The following CCDC171 variants were observed in gnomAD, a reference collection of about 807,000 sequenced individuals.
CCDC171 encodes coiled-coil domain containing 171.
Under a neutral mutation model 168.2 loss-of-function variants are expected in CCDC171, and 177 were observed. That is an observed-to-expected ratio of 1.05 (90% confidence interval 0.93 to 1.19). The LOEUF (loss-of-function observed/expected upper bound fraction) is 1.19. CCDC171 is among the 50% of genes most tolerant of loss of function. CCDC171 has a pLI of 0.00. For synonymous variants in CCDC171, 687 were observed against 540.8 expected, an observed-to-expected ratio of 1.27 and a Z score of -3.75; for missense variants, 1,991 against 1,539.0, an observed-to-expected ratio of 1.29 and a Z score of -4.91.
chr9:15,905,060 C>A lies in CCDC171; in HGVS notation c.3601-15210C>A, dbSNP rs1194275688. ...ACCTACAAAGAGACTTAGACTCCCA[C>A]ACAATAATAATGGGAGACTTTAACA... On this transcript the variant is annotated intron_variant, in intron 24 of 25. Coordinates refer to ENST00000380701, the MANE Select transcript of CCDC171 (RefSeq NM_173550.4). Among the ~76,000 whole-genome samples, 7 of 152,162 alleles carry A rather than the reference C, an allele frequency of 4.6e-5. No homozygotes were observed. In the East Asian group the frequency reaches 1.2e-3, roughly 25 times the overall value.
intron 1 of CCDC171, among the ~76,000 whole-genome samples, chr9:16,044,296 A>G (rs1257368117): frequency 6.6e-6 from 1 of 152,230 alleles, no homozygotes; most frequent in Non-Finnish European, 1.5e-5. Flanking sequence ...ACCAAAAGAA[A>G]AACAATGTCC....
intron 24 of CCDC171, among the ~76,000 whole-genome samples, chr9:15,908,180 A>G (rs1176989446): frequency 6.6e-6 from 1 of 152,092 alleles, no homozygotes; most frequent in Admixed American, 6.5e-5. Context: ...ACTATAAATC[A>G]TGCTGCTATA....
chr9:16,028,687 C>T (rs1833317717), intron 6 of CCDC171, among the ~76,000 whole-genome samples: 1 of 152,148 alleles, frequency 6.6e-6, no homozygotes, highest in Non-Finnish European at 1.5e-5. Flanking sequence ...TCTCCAACTG[C>T]AGGGAGAATA....
intron 4 of CCDC171, among the ~76,000 whole-genome samples, chr9:15,582,441 A>C (rs2041203338): frequency 6.6e-6 from 1 of 152,206 alleles, no homozygotes; most frequent in South Asian, 2.1e-4. Flanking sequence ...TATATACCCA[A>C]AGGATTATAA....
At chr9:15,645,299 A>C (rs911779709) in intron 7 of CCDC171, among the ~76,000 whole-genome samples, 1 of 151,968 alleles carries the variant, frequency 6.6e-6, no homozygotes, top group African/African-American at 2.4e-5. Flanking sequence ...AAAACAGAGC[A>C]GAAAAGCTGA....
intron 4 of CCDC171, among the ~76,000 whole-genome samples, chr9:15,590,783 T>TTC (rs71304895): frequency 0.054 from 6,087 of 113,676 alleles, 150 homozygotes; most frequent in East Asian, 0.097. Flanking sequence ...CTTTCTTTCT[T>TTC]TCTTTCTTTC....
intron 3 of CCDC171, among the ~76,000 whole-genome samples, chr9:15,983,674 C>T (rs1043358646): frequency 1.5e-4 from 23 of 152,210 alleles, no homozygotes; most frequent in Non-Finnish European, 3.2e-4. Flanking sequence ...ATCACTTTCA[C>T]TGCTGCCAGA....
chr9:15,661,756 C>G (rs571436319), intron 8 of CCDC171, among the ~76,000 whole-genome samples: 5 of 152,202 alleles, frequency 3.3e-5, no homozygotes, highest in African/African-American at 9.6e-5. Flanking sequence ...ATTTTGTAGT[C>G]TATTTTTCTT....
At chr9:15,662,097 C>T (rs967640887) in intron 8 of CCDC171, among the ~76,000 whole-genome samples, 7 of 151,966 alleles carry the variant, frequency 4.6e-5, no homozygotes, top group Admixed American at 3.9e-4. Flanking sequence ...GCCAACGTGG[C>T]GAAACCCCGT....
chr9:15,827,243 C>T (rs954884394), intron 21 of CCDC171, among the ~76,000 whole-genome samples: 1 of 152,128 alleles, frequency 6.6e-6, no homozygotes, highest in Non-Finnish European at 1.5e-5. Context: ...TGTCTGCTTA[C>T]AGTTTTGTAT....
chr9:15,877,113 A>G (rs1052001183), intron 24 of CCDC171, among the ~76,000 whole-genome samples: 2 of 152,146 alleles, frequency 1.3e-5, no homozygotes, highest in African/African-American at 4.8e-5. Context: ...ATGCTTTTCT[A>G]TGGAGAAAAC....
chr9:15,843,916 A>G (rs2060793285), intron 21 of CCDC171, among the ~76,000 whole-genome samples: 1 of 152,092 alleles, frequency 6.6e-6, no homozygotes, highest in South Asian at 2.1e-4. Context: ...ATGTTTATTG[A>G]TTATCTCGCT....
chr9:16,070,332 C>T, the CCDC171 span, among the ~76,000 whole-genome samples: 1 of 152,168 alleles, frequency 6.6e-6, no homozygotes, highest in African/African-American at 2.4e-5. Flanking sequence ...AGGTAAAGGA[C>T]AGAGGAGGGG....
intron 3 of CCDC171, among the ~76,000 whole-genome samples, chr9:16,012,985 T>C (rs1344131638): frequency 6.6e-6 from 1 of 152,160 alleles, no homozygotes; most frequent in African/African-American, 2.4e-5. Flanking sequence ...GTACTTCGAC[T>C]TCTCAAGCTG....
chr9:15,833,193 T>C (rs959131211), intron 21 of CCDC171, among the ~76,000 whole-genome samples: 2 of 152,204 alleles, frequency 1.3e-5, no homozygotes, highest in Admixed American at 6.5e-5. Flanking sequence ...CGTTTTGCCA[T>C]GTTGGCCAGG....
chr9:15,934,175 C>T lies in CCDC171; in HGVS notation c.3753+13753C>T, dbSNP rs535088085. ...TTGGGAGGCTGAGGCAGGAGGATCA[C>T]TTGAGGCCAGGGAGACCACCCTGGG... On this transcript the variant is annotated intron_variant, in intron 25 of 25. Coordinates refer to ENST00000380701, the MANE Select transcript of CCDC171 (RefSeq NM_173550.4). Among the ~76,000 whole-genome samples, 5 of 151,844 alleles carry T rather than the reference C, an allele frequency of 3.3e-5. No individual in the cohort carries two copies. In the East Asian group the frequency reaches 9.8e-4, roughly 30 times the overall value.
chr9:15,904,513 C>G, intron 24 of CCDC171, among the ~76,000 whole-genome samples: 1 of 151,770 alleles, frequency 6.6e-6, no homozygotes, highest in Non-Finnish European at 1.5e-5. Context: ...AAAAGAGCTC[C>G]TGAAGGAAGC....
chr9:15,849,949 G>GA (rs201913440), intron 23 of CCDC171, among the ~76,000 whole-genome samples: 16 of 148,788 alleles, frequency 1.1e-4, no homozygotes, highest in Non-Finnish European at 1.5e-4. Context: ...AAAGTATTTT[G>GA]AAAAAAAAAT....
chr9:15,554,404 G>A (rs1322399839), intron 1 of CCDC171, among the ~76,000 whole-genome samples: 1 of 152,174 alleles, frequency 6.6e-6, no homozygotes, highest in South Asian at 2.1e-4. Context: ...TTCATAAAAT[G>A]CAGAGGAAAC....
Sources: allele counts gnomAD v4.1 joint callset (sites outside exome capture counted in the v4.1 genomes callset), GRCh38; gene constraint gnomAD v4.1.1; transcripts MANE v1.5; gene names NCBI Gene and HGNC (gene_info 2026-07-23, HGNC 2026-07-21).